The following EFNA5 variants were observed in gnomAD, a reference collection of about 807,000 sequenced individuals.
The protein encoded by EFNA5 is ephrin-A5.
A neutral mutation model predicts 22.9 loss-of-function variants in EFNA5; 5 were observed. The observed-to-expected ratio is 0.22, with a 90% CI of 0.11 to 0.46. EFNA5 has a LOEUF of 0.46. Among genes scored for constraint, EFNA5 ranks in the 20% least tolerant of loss-of-function variants. The probability of loss-of-function intolerance (pLI) is 0.99; values close to 1 mark genes in which losing one functional copy is unlikely to be tolerated. For synonymous variants in EFNA5, 113 were observed against 112.2 expected (o/e 1.01, Z -0.04); for missense variants, 237 against 293.3 (o/e 0.81, Z 1.40).
intron 1 of EFNA5, among the ~76,000 whole-genome samples, chr5:107,532,110 A>G (rs1421728583): frequency 6.6e-6 from 1 of 152,194 alleles, no homozygotes; most frequent in Non-Finnish European, 1.5e-5. Context: ...GGAAAATGGG[A>G]ACGGCTTTGT....
chr5:107,456,467 C>T (rs1183032756), intron 1 of EFNA5, among the ~76,000 whole-genome samples: 1 of 152,130 alleles, frequency 6.6e-6, no homozygotes, highest in Non-Finnish European at 1.5e-5. Context: ...ACAGTGCTTT[C>T]CATCTATCTA....
At chr5:107,642,924 TTCC>T (rs1272159626) in intron 1 of EFNA5, among the ~76,000 whole-genome samples, 1 of 134,354 alleles carries the variant, frequency 7.4e-6, no homozygotes, top group Non-Finnish European at 1.6e-5. Context: ...TTTTGTCCAT[TTCC>T]TCACCTGAAA....
intron 1 of EFNA5, among the ~76,000 whole-genome samples, chr5:107,636,521 C>G (rs2112540375): frequency 6.6e-6 from 1 of 152,262 alleles, no homozygotes; most frequent in South Asian, 2.1e-4. Context: ...TTCTGGACAC[C>G]CTCAAGCTAT....
intron 1 of EFNA5, among the ~76,000 whole-genome samples, chr5:107,572,138 C>T (rs910004476): frequency 1.3e-5 from 2 of 151,992 alleles, no homozygotes; most frequent in Admixed American, 6.5e-5. Flanking sequence ...AGAGAACGTG[C>T]GTGATGTGAG....
At chr5:107,627,588 ATTGTG>A (rs1488410525) in intron 1 of EFNA5, among the ~76,000 whole-genome samples, 2 of 142,630 alleles carry the variant, frequency 1.4e-5, no homozygotes, top group Non-Finnish European at 3.0e-5. Context: ...GTGAGCTATG[ATTGTG>A]CCATTGCACT....
intron 2 of EFNA5, chr5:107,426,923 C>A: frequency 3.5e-6 from 1 of 285,426 alleles, no homozygotes; most frequent in Non-Finnish European, 6.5e-6. Context: ...GTCTTTTTTT[C>A]TTTTCCTGAG....
chr5:107,409,540 C>T (rs995360017), intron 2 of EFNA5, among the ~76,000 whole-genome samples: 2 of 152,190 alleles, frequency 1.3e-5, no homozygotes, highest in Admixed American at 1.3e-4. Context: ...TCAGAACCAA[C>T]TTGGAAGGCA....
At chr5:107,623,435 T>C (rs1047889264) in intron 1 of EFNA5, among the ~76,000 whole-genome samples, 4 of 152,218 alleles carry the variant, frequency 2.6e-5, no homozygotes, top group Admixed American at 2.0e-4. Context: ...AAATAAATCA[T>C]GTGAAATACA....
intron 1 of EFNA5, among the ~76,000 whole-genome samples, chr5:107,623,184 A>T (rs1199904961): frequency 2.0e-5 from 3 of 152,068 alleles, no homozygotes; most frequent in African/African-American, 7.2e-5. Context: ...ACCAGTGAAG[A>T]TGCTAATGAG....
chr5:107,572,517 A>T (rs923730019), intron 1 of EFNA5, among the ~76,000 whole-genome samples: 2 of 152,206 alleles, frequency 1.3e-5, no homozygotes, highest in African/African-American at 4.8e-5. Context: ...AAAGATTCTT[A>T]AGTCATTCAC....
intron 1 of EFNA5, among the ~76,000 whole-genome samples, chr5:107,563,051 C>T (rs1264438516): frequency 6.6e-6 from 1 of 152,174 alleles, no homozygotes; most frequent in Non-Finnish European, 1.5e-5. Flanking sequence ...CTCTGCAACC[C>T]TTATGATGAC....
intron 1 of EFNA5, among the ~76,000 whole-genome samples, chr5:107,612,458 C>A (rs1442253081): frequency 6.6e-6 from 1 of 151,338 alleles, no homozygotes; most frequent in Admixed American, 6.6e-5. Flanking sequence ...CCCAAGCAAG[C>A]AAAACACTGG....
intron 1 of EFNA5, among the ~76,000 whole-genome samples, chr5:107,649,595 A>T (rs943552906): frequency 2.6e-5 from 4 of 152,200 alleles, no homozygotes; most frequent in Non-Finnish European, 5.9e-5. Flanking sequence ...ATCCTATTTT[A>T]CATAAGTGAA....
chr5:107,568,338 C>T (rs1179637546), intron 1 of EFNA5, among the ~76,000 whole-genome samples: 2 of 152,096 alleles, frequency 1.3e-5, no homozygotes, highest in East Asian at 1.9e-4. Context: ...TAATAAAGAT[C>T]GTGGGGAGAG....
intron 1 of EFNA5, among the ~76,000 whole-genome samples, chr5:107,557,158 T>C (rs562858030): frequency 6.6e-6 from 1 of 152,286 alleles, no homozygotes; most frequent in Admixed American, 6.5e-5. Context: ...AACTGTAAGC[T>C]ACACAGGGCA....
intron 1 of EFNA5, among the ~76,000 whole-genome samples, chr5:107,491,675 G>T (rs1242584547): frequency 2.0e-5 from 3 of 152,088 alleles, no homozygotes; most frequent in African/African-American, 7.2e-5. Flanking sequence ...CTTTATATGT[G>T]TATCCACAAA....
chr5:107,639,111 G>C (rs149106899), intron 1 of EFNA5, among the ~76,000 whole-genome samples: 2 of 152,030 alleles, frequency 1.3e-5, no homozygotes, highest in Non-Finnish European at 2.9e-5. Context: ...ATATTACTTC[G>C]GTGATTTAAC....
chr5:107,511,811 C>G (rs251957), intron 1 of EFNA5, among the ~76,000 whole-genome samples: 1 of 152,090 alleles, frequency 6.6e-6, no homozygotes, highest in African/African-American at 2.4e-5. Context: ...TTAAAAAAAA[C>G]CTGACTAATA....
chr5:107,405,272 G>A (rs1379609617), intron 2 of EFNA5, among the ~76,000 whole-genome samples: 1 of 152,206 alleles, frequency 6.6e-6, no homozygotes, highest in African/African-American at 2.4e-5. Flanking sequence ...CAAACTAGCT[G>A]ATGATGCTGT....
Sources: gnomAD v4.1 joint callset for allele counts (sites outside exome capture counted in the v4.1 genomes callset) on GRCh38, gnomAD v4.1.1 for gene constraint, MANE v1.5 for transcripts, NCBI Gene and HGNC (gene_info 2026-07-23, HGNC 2026-07-21) for gene names.